Variants in KLF8 observed in about 807,000 individuals in gnomAD.
KLF8 encodes KLF transcription factor 8, also known as Krueppel-like factor 8.
In KLF8, 10 loss-of-function variants were observed where a neutral mutation model predicts 18.2. The ratio of observed to expected loss-of-function variants is 0.55; its 90% CI spans 0.34 to 0.93. KLF8 has a LOEUF of 0.93. KLF8 is among the 40% of genes least tolerant of loss of function. The probability of loss-of-function intolerance (pLI) is 0.02; values close to 1 mark genes in which losing one functional copy is unlikely to be tolerated. For missense variants in KLF8, 264 were observed against 277.9 expected (o/e 0.95, Z 0.36); for synonymous variants, 109 against 97.3 (o/e 1.12, Z -0.71).
the KLF8 span, among the ~76,000 whole-genome samples, chrX:56,158,861 A>G: frequency 9.0e-6 from 1 of 111,328 alleles, no homozygotes; most frequent in Non-Finnish European, 1.9e-5. Flanking sequence ...CTCTTTTCCT[A>G]ATTGAATACC....
chrX:56,123,365 T>C, the KLF8 span, among the ~76,000 whole-genome samples: 1 of 111,544 alleles, frequency 9.0e-6, no homozygotes, highest in African/African-American at 3.3e-5. Flanking sequence ...GCTAAACTTA[T>C]GAAAGTCTCA....
At chrX:56,222,944 TC>T in the KLF8 span, among the ~76,000 whole-genome samples, 4 of 112,104 alleles carry the variant, frequency 3.6e-5, no homozygotes, top group African/African-American at 9.7e-5. Flanking sequence ...CCTCCACACC[TC>T]CCGGCAGGCT....
the KLF8 span, among the ~76,000 whole-genome samples, chrX:56,166,480 C>T: frequency 8.9e-6 from 1 of 111,762 alleles, no homozygotes; most frequent in Non-Finnish European, 1.9e-5. Context: ...TGTTTGGCCT[C>T]ATGGGCCCCT....
the KLF8 span, among the ~76,000 whole-genome samples, chrX:55,992,392 A>C: frequency 8.9e-6 from 1 of 112,181 alleles, no homozygotes; most frequent in Non-Finnish European, 1.9e-5. Flanking sequence ...TGACTTTGTC[A>C]AGGTCAGATG....
chrX:56,227,444 G>A (rs2066376803), upstream of KLF8, among the ~76,000 whole-genome samples: 2 of 109,617 alleles, frequency 1.8e-5, no homozygotes, highest in African/African-American at 3.3e-5. Context: ...TCCGCCTCCC[G>A]GGTTCAAGCA....
chrX:56,233,415 CT>C, intron 1 of KLF8, 74 bp downstream of exon 1: 1 of 806,847 alleles, frequency 1.2e-6, no homozygotes, highest in Non-Finnish European at 1.9e-6. Context: ...CCCAGTCCCC[CT>C]GCTCCCCCCA....
At chrX:56,127,265 G>T in the KLF8 span, among the ~76,000 whole-genome samples, 1 of 111,250 alleles carries the variant, frequency 9.0e-6, no homozygotes, top group East Asian at 2.8e-4. Flanking sequence ...TGTATCCCTA[G>T]TACTGAACAA....
At chrX:56,028,763 G>T in the KLF8 span, among the ~76,000 whole-genome samples, 1 of 111,049 alleles carries the variant, frequency 9.0e-6, no homozygotes, top group Non-Finnish European at 1.9e-5. Context: ...AACAGTTTTT[G>T]GTTCTCAGGA....
At chrX:56,244,878 C>T (rs995197592) in intron 1 of KLF8, among the ~76,000 whole-genome samples, 1 of 112,142 alleles carries the variant, frequency 8.9e-6, no homozygotes, top group Non-Finnish European at 1.9e-5. Context: ...TAAGATCTTC[C>T]TAAGTGATTA....
upstream of KLF8, among the ~76,000 whole-genome samples, chrX:56,228,250 G>A (rs1347232728): frequency 8.9e-6 from 1 of 112,218 alleles, no homozygotes; most frequent in Non-Finnish European, 1.9e-5. Flanking sequence ...CCATTGCTAT[G>A]AATATTAGTT....
the KLF8 span, among the ~76,000 whole-genome samples, chrX:56,150,909 G>A: frequency 9.0e-6 from 1 of 111,456 alleles, no homozygotes; most frequent in Non-Finnish European, 1.9e-5. Context: ...AGAAAAATAT[G>A]TTGTTATAAA....
At chrX:56,265,799 G>T in intron 3 of KLF8, 55 bp downstream of exon 3, 1 of 1,146,661 alleles carries the variant, frequency 8.7e-7, no homozygotes, top group Non-Finnish European at 1.2e-6. Flanking sequence ...CCCTTTTAGA[G>T]TCATCCTATC....
chrX:56,230,259 A>G (rs780485850), upstream of KLF8, among the ~76,000 whole-genome samples: 7 of 112,145 alleles, frequency 6.2e-5, no homozygotes, highest in Non-Finnish European at 1.1e-4. Flanking sequence ...TTTATTATTG[A>G]TATAAACTGC....
At chrX:56,192,622 A>T in the KLF8 span, among the ~76,000 whole-genome samples, 1 of 111,982 alleles carries the variant, frequency 8.9e-6, no homozygotes, top group African/African-American at 3.2e-5. Flanking sequence ...AGACACATAG[A>T]CCGGTGGAAA....
intron 2 of KLF8, among the ~76,000 whole-genome samples, chrX:56,256,878 T>C (rs2066803337): frequency 9.0e-6 from 1 of 111,370 alleles, no homozygotes. Context: ...TAATTTTGTA[T>C]TTTTAGTAGA....
the KLF8 span, among the ~76,000 whole-genome samples, chrX:55,941,928 A>T: frequency 8.1e-5 from 9 of 111,697 alleles, no homozygotes; most frequent in African/African-American, 2.3e-4. Context: ...GGGATTGTAA[A>T]CTAGTTCAAC....
the KLF8 span, chrX:55,962,565 G>T: frequency 6.8e-6 from 1 of 146,501 alleles, no homozygotes; most frequent in Non-Finnish European, 1.4e-5. Flanking sequence ...ATGACAGAAG[G>T]TGGATGGTGG....
At chrX:56,076,870 T>A in the KLF8 span, among the ~76,000 whole-genome samples, 1 of 112,478 alleles carries the variant, frequency 8.9e-6, no homozygotes, top group African/African-American at 3.2e-5. Context: ...GTGGTTTTGA[T>A]TTGCATTTCT....
intron 3 of KLF8, 24 bp downstream of exon 3, chrX:56,265,768 C>A (rs942151351): frequency 9.4e-6 from 11 of 1,176,341 alleles, no homozygotes; most frequent in Non-Finnish European, 1.3e-5. Context: ...TTGCCTCTTT[C>A]CTGGCCTTCC....
Sources: allele counts gnomAD v4.1 joint callset (sites outside exome capture counted in the v4.1 genomes callset), GRCh38; gene constraint gnomAD v4.1.1; transcripts MANE v1.5; gene names NCBI Gene and HGNC (gene_info 2026-07-23, HGNC 2026-07-21).